Variants in NTRK3 observed in about 807,000 individuals in gnomAD.
NTRK3 encodes neurotrophic receptor tyrosine kinase 3.
In NTRK3, 24 loss-of-function variants were observed where a neutral mutation model predicts 91.7. The ratio of observed to expected loss-of-function variants is 0.26; its 90% CI spans 0.19 to 0.37. NTRK3 has a LOEUF of 0.37. Ranked by LOEUF, NTRK3 falls within the 10% of genes least tolerant of loss-of-function variation. The probability of loss-of-function intolerance (pLI) is 1.00; values close to 1 mark genes in which losing one functional copy is unlikely to be tolerated. For synonymous variants in NTRK3, 483 were observed against 404.0 expected (o/e 1.20, Z -2.34); for missense variants, 880 against 1,068.9 (o/e 0.82, Z 2.46).
chr15:87,876,348 G>A (rs1384040354), exon 19 of NTRK3: 2 of 230,250 alleles, frequency 8.7e-6, no homozygotes, highest in African/African-American at 2.2e-5. Flanking sequence ...AAGAAGTGGA[G>A]GCAAGGACCC....
intron 14 of NTRK3, among the ~76,000 whole-genome samples, chr15:87,949,968 A>G (rs1263807736): frequency 6.6e-6 from 1 of 151,578 alleles, no homozygotes; most frequent in Non-Finnish European, 1.5e-5. Context: ...ACAGTGACAA[A>G]CCCTCTTCAA....
intron 3 of NTRK3, among the ~76,000 whole-genome samples, chr15:88,199,552 C>T (rs1319966717): frequency 6.6e-6 from 1 of 152,194 alleles, no homozygotes; most frequent in African/African-American, 2.4e-5. Flanking sequence ...TGAAGGGAGG[C>T]CCAAGGCACC....
chr15:87,902,834 C>T (rs1040392056), intron 17 of NTRK3, among the ~76,000 whole-genome samples: 3 of 151,998 alleles, frequency 2.0e-5, no homozygotes, highest in African/African-American at 7.3e-5. Flanking sequence ...CAGAGAGATC[C>T]CAGAGGCCCA....
intron 13 of NTRK3, among the ~76,000 whole-genome samples, chr15:88,069,136 C>G (rs1421499802): frequency 3.3e-5 from 5 of 152,152 alleles, no homozygotes; most frequent in Admixed American, 3.3e-4. Flanking sequence ...ACTTCAGTCC[C>G]ACTCTCAAGT....
At chr15:88,093,476 A>G (rs2049240374) in intron 13 of NTRK3, among the ~76,000 whole-genome samples, 1 of 152,100 alleles carries the variant, frequency 6.6e-6, no homozygotes, top group Non-Finnish European at 1.5e-5. Flanking sequence ...ATGCTTATGG[A>G]TGGGTGTCAG....
At chr15:87,987,880 A>G (rs1187847036) in intron 14 of NTRK3, among the ~76,000 whole-genome samples, 2 of 150,560 alleles carry the variant, frequency 1.3e-5, no homozygotes, top group Admixed American at 1.3e-4. Flanking sequence ...CTGTCTCAAA[A>G]TAATAATAAT....
intron 14 of NTRK3, among the ~76,000 whole-genome samples, chr15:87,962,980 G>A (rs933079620): frequency 3.9e-5 from 6 of 152,184 alleles, no homozygotes; most frequent in Admixed American, 3.9e-4. Context: ...AACATTATGT[G>A]AATGTTGGCA....
intron 5 of NTRK3, among the ~76,000 whole-genome samples, chr15:88,169,535 C>T (rs1401114768): frequency 2.0e-5 from 3 of 152,174 alleles, no homozygotes; most frequent in Admixed American, 6.5e-5. Context: ...CCCTCTTCTG[C>T]TCTAATATGA....
chr15:87,932,672 T>G (rs2068909039), intron 16 of NTRK3, among the ~76,000 whole-genome samples: 1 of 152,138 alleles, frequency 6.6e-6, no homozygotes, highest in South Asian at 2.1e-4. Context: ...ATTTGCAACA[T>G]CAGAGAAGGG....
chr15:87,989,799 G>T lies in NTRK3; in HGVS notation c.1585+43058C>A, dbSNP rs549117055. ...TTTTTGTATTTTTAGTAGAGATGTG[G>T]TTTCACCATGTTGGCCAGACTGGTC... is the stretch of plus-strand genomic sequence containing the variant. On this transcript the variant is annotated intron_variant, in intron 14 of 18. Transcript: ENST00000394480. 1.1e-4 allele frequency among the ~76,000 whole-genome samples: 17 copies of T among 152,190 alleles called. No individual in the cohort carries two copies. The South Asian group carries it at 2.3e-3, about 20-fold the overall frequency.
At chr15:87,987,445 T>C (rs2074909577) in intron 14 of NTRK3, among the ~76,000 whole-genome samples, 1 of 152,202 alleles carries the variant, frequency 6.6e-6, no homozygotes, top group South Asian at 2.1e-4. Flanking sequence ...ACTGCCTATT[T>C]GTATCCTTTC....
At chr15:88,015,941 T>G (rs2077206074) in intron 14 of NTRK3, among the ~76,000 whole-genome samples, 3 of 151,570 alleles carry the variant, frequency 2.0e-5, no homozygotes, top group Non-Finnish European at 4.4e-5. Flanking sequence ...ATAGTGGCAT[T>G]GTGAAATAAA....
chr15:88,015,974 G>A (rs1481076961), intron 14 of NTRK3, among the ~76,000 whole-genome samples: 1 of 151,342 alleles, frequency 6.6e-6, no homozygotes, highest in Non-Finnish European at 1.5e-5. Flanking sequence ...GCTACTAGAT[G>A]ACAAATTCAG....
intron 13 of NTRK3, among the ~76,000 whole-genome samples, chr15:88,064,997 A>C (rs115462283): frequency 6.6e-6 from 1 of 152,210 alleles, no homozygotes; most frequent in Non-Finnish European, 1.5e-5. Flanking sequence ...TTGCAGGTAC[A>C]TAACATATGC....
chr15:88,174,785 G>A (rs1041803782), intron 5 of NTRK3, among the ~76,000 whole-genome samples: 9 of 152,160 alleles, frequency 5.9e-5, no homozygotes, highest in South Asian at 2.1e-4. Flanking sequence ...AGCCATTCCC[G>A]CCCATCTCGG....
intron 3 of NTRK3, among the ~76,000 whole-genome samples, chr15:88,215,205 G>C (rs897488143): frequency 1.3e-5 from 2 of 152,188 alleles, no homozygotes; most frequent in Non-Finnish European, 1.5e-5. Flanking sequence ...ATTCATCAGA[G>C]GAAAAACATC....
chr15:87,930,437 C>T (rs537356016), intron 16 of NTRK3, among the ~76,000 whole-genome samples: 3 of 152,238 alleles, frequency 2.0e-5, no homozygotes, highest in Non-Finnish European at 4.4e-5. Context: ...TGAAAAGCAC[C>T]ATTAAGTAGG....
At chr15:88,217,793 C>T (rs567125919) in intron 3 of NTRK3, among the ~76,000 whole-genome samples, 2,985 of 136,972 alleles carry the variant, frequency 0.022, 142 homozygotes, top group African/African-American at 0.075. Flanking sequence ...GAGTCTCACT[C>T]TGTCGCCCAG....
At chr15:88,113,613 G>A (rs1173348076) in intron 13 of NTRK3, among the ~76,000 whole-genome samples, 1 of 152,112 alleles carries the variant, frequency 6.6e-6, no homozygotes, top group Non-Finnish European at 1.5e-5. Flanking sequence ...ACCACAGCTG[G>A]TCTAACTTTT....
Sources: gnomAD v4.1 joint callset for allele counts (sites outside exome capture counted in the v4.1 genomes callset) on GRCh38, gnomAD v4.1.1 for gene constraint, MANE v1.5 for transcripts, NCBI Gene and HGNC (gene_info 2026-07-23, HGNC 2026-07-21) for gene names.